The following CRIPT variants were observed in gnomAD, a reference collection of about 807,000 sequenced individuals.
The protein encoded by CRIPT is cysteine-rich PDZ-binding protein.
Under a neutral mutation model 16.6 loss-of-function variants are expected in CRIPT, and 20 were observed. The ratio of observed to expected loss-of-function variants is 1.20; its 90% CI spans 0.85 to 1.75. The LOEUF (loss-of-function observed/expected upper bound fraction) is 1.75, where lower values mean the gene tolerates loss of function less well. Ranked by LOEUF, CRIPT falls within the 40% of genes most tolerant of loss-of-function variation. The probability of loss-of-function intolerance (pLI) is 0.00; values close to 1 mark genes in which losing one functional copy is unlikely to be tolerated. For synonymous variants in CRIPT, 42 were observed against 37.0 expected (o/e 1.14, Z -0.49); for missense variants, 133 against 115.3 (o/e 1.15, Z -0.70).
At position 46,623,745 on chromosome 2, in the gene CRIPT, CTTTAAAAAA is replaced by C; in HGVS notation, c.138-18_138-10del. The C allele has an allele frequency of 6.8e-7, 1 of 1,476,090 alleles. No individual in the cohort carries two copies. Among genetic ancestry groups the C allele is most frequent in the Non-Finnish European group, 9.4e-7 (1 of 1,063,362 alleles). The allele number at this position is 1,476,090 out of a possible 1,614,324, so 91.4% of individuals were successfully genotyped here. A position where few individuals can be genotyped will look rare whatever the true frequency, so the allele number is the denominator to read the frequency against. On this transcript the variant is annotated splice_polypyrimidine_tract_variant and intron_variant, in intron 3 of 4. Transcript: ENST00000238892. ...TCTAGTGTAATATACAATTTTCTCT[CTTTAAAAAA>C]AATTTCTAGATTTGATCCATATGGA...
rs144262836 is a variant in CRIPT, at chr2:46,628,225, C to T, written c.*3998C>T. Among the ~76,000 whole-genome samples, 1,922 of 151,996 alleles carry T rather than the reference C, an allele frequency of 0.013. 46 individuals carry two copies. Among genetic ancestry groups the T allele is most frequent in the African/African-American group, 0.044 (1,823 of 41,402 alleles). ...TCCTGAGTTCAAGCAATTCTCCTGCCTCAGCCTCCCAAATAGCTGGGATTA... is the reference window on the plus strand; with the variant it reads ...TCCTGAGTTCAAGCAATTCTCCTGCTTCAGCCTCCCAAATAGCTGGGATTA... On this transcript the variant is annotated 3_prime_UTR_variant, in exon 5 of 5. Transcript: ENST00000238892.
At chr2:46,617,646 A>G (rs2104163103) in intron 1 of CRIPT, among the ~76,000 whole-genome samples, 1 of 152,244 alleles carries the variant, frequency 6.6e-6, no homozygotes, top group Non-Finnish European at 1.5e-5. Flanking sequence ...TTCATGTAAG[A>G]AGTATTGTTC....
At chr2:46,618,898 G>A in intron 2 of CRIPT, 60 bp downstream of exon 2, 1 of 1,009,182 alleles carries the variant, frequency 9.9e-7, no homozygotes, top group Non-Finnish European at 1.5e-6. Context: ...TAATACCTTA[G>A]TTTTTACATT....
intron 1 of CRIPT, 130 bp downstream of exon 1, chr2:46,617,428 C>G: frequency 9.3e-7 from 1 of 1,077,968 alleles, no homozygotes; most frequent in Non-Finnish European, 1.3e-6. Context: ...GTCTTTCTAC[C>G]CTACCCTTTG....
In CRIPT at chr2:46,623,764, A is replaced by G; in HGVS notation, c.138A>G (p.Arg46=). The G allele has an allele frequency of 6.3e-7, 1 of 1,588,792 alleles. No homozygotes were observed. The highest frequency in any genetic ancestry group is 2.3e-5 in the East Asian group (1 of 44,336). Residue 46 remains arginine, a splice_region_variant and synonymous_variant, in exon 4 of 5, where the codon AGA becomes AGG. Coordinates refer to ENST00000238892, the MANE Select transcript of CRIPT (RefSeq NM_014171.6). ...TTCTCTCTTTAAAAAAAATTTCTAGATTTGATCCATATGGAAAGAATAAGT... is the reference window on the plus strand; with the variant it reads ...TTCTCTCTTTAAAAAAAATTTCTAGGTTTGATCCATATGGAAAGAATAAGT... ...ENKALTSKKA[R]FDPYGKNKFS...
intron 1 of CRIPT, among the ~76,000 whole-genome samples, chr2:46,618,108 A>G (rs752724076): frequency 2.7e-5 from 4 of 150,656 alleles, no homozygotes; most frequent in South Asian, 4.2e-4. Flanking sequence ...CTTCTCCCCA[A>G]ACTTTCTTTT....
intron 1 of CRIPT, 96 bp downstream of exon 1, chr2:46,617,394 C>T (rs1427821681): frequency 1.5e-6 from 2 of 1,365,006 alleles, no homozygotes; most frequent in Non-Finnish European, 1.0e-6. Context: ...TTTCTTCGCC[C>T]ACAGGTCTCA....
chr2:46,624,146 A>G lies in CRIPT; in HGVS notation c.242-17A>G. 1.9e-6 allele frequency: 3 copies of G among 1,545,658 alleles called. No homozygotes were observed. The highest frequency in any genetic ancestry group is 2.6e-6 in the Non-Finnish European group (3 of 1,139,546). Reference sequence around the variant, plus strand: ...GGTATTATGATTTGATTGATCACATATCTTCTTTTGTTTCAGGCATCTGTG... The same window carrying G: ...GGTATTATGATTTGATTGATCACATGTCTTCTTTTGTTTCAGGCATCTGTG... On this transcript the variant is annotated splice_polypyrimidine_tract_variant and intron_variant, in intron 4 of 4. Coordinates refer to ENST00000238892, the MANE Select transcript of CRIPT (RefSeq NM_014171.6).
intron 1 of CRIPT, 60 bp from the exon 2 acceptor site, chr2:46,618,713 A>T: frequency 9.1e-7 from 1 of 1,099,340 alleles, no homozygotes; most frequent in Admixed American, 2.0e-5. Context: ...CTTAGGCACA[A>T]TGTAATGCAC....
intron 4 of CRIPT, 139 bp from the exon 5 acceptor site, chr2:46,624,024 A>ATT: frequency 2.3e-6 from 1 of 426,022 alleles, no homozygotes; most frequent in South Asian, 1.1e-4. Flanking sequence ...TATAATTAAA[A>ATT]TTATATATAT....
rs1671011133 is a variant in CRIPT at position 46,629,061 on chromosome 2, A to G, written c.*4834A>G. ...AGTACATTTTATATATTCATCCATT[A>G]GAATATATAGCTGTCAGAATGATAG... On this transcript the variant is annotated 3_prime_UTR_variant, in exon 5 of 5. Coordinates refer to ENST00000238892, the MANE Select transcript of CRIPT (RefSeq NM_014171.6). Among the ~76,000 whole-genome samples, 1 of 152,254 alleles carries G rather than the reference A, an allele frequency of 6.6e-6. No homozygotes were observed. Among genetic ancestry groups the G allele is most frequent in the Admixed American group, 6.5e-5 (1 of 15,284 alleles).
Position 46,627,952 on chromosome 2 carries a change from C to T in CRIPT, c.*3725C>T, listed in dbSNP as rs1448131827. On this transcript the variant is annotated 3_prime_UTR_variant, in exon 5 of 5. Coordinates refer to ENST00000238892, the MANE Select transcript of CRIPT (RefSeq NM_014171.6). ...AGCTTTATTTCTGTCTGTTCCATTC[C>T]ATTGGTCTATGGGTCTGTTTTTATA... 6.6e-6 allele frequency among the ~76,000 whole-genome samples: 1 copy of T among 152,004 alleles called. No homozygotes were observed. Among genetic ancestry groups the T allele is most frequent in the Non-Finnish European group, 1.5e-5 (1 of 68,002 alleles).
In CRIPT at chr2:46,624,031, A is replaced by ATG. The variant is rs2104175041; in HGVS notation, c.242-131_242-130insGT. On this transcript the variant is annotated intron_variant, in intron 4 of 4. Coordinates refer to ENST00000238892, the MANE Select transcript of CRIPT (RefSeq NM_014171.6). Reference sequence around the variant, plus strand: ...AACCTGTTTATAATTAAAATTATATATATATATATATTTTTTTTTTCTTTT... The same window carrying ATG: ...AACCTGTTTATAATTAAAATTATATATGTATATATATATTTTTTTTTTCTTTT... The ATG allele has an allele frequency of 1.0e-5, 4 of 389,214 alleles. No homozygotes were observed. In the East Asian group the frequency reaches 1.9e-4, roughly 19 times the overall value. 24.1% of individuals were successfully genotyped at this position (389,214 alleles called of 1,614,324 possible). A position where few individuals can be genotyped will look rare whatever the true frequency, so the allele number is the denominator to read the frequency against.
rs1179229130 is a variant in CRIPT, at chr2:46,626,325, C to G, written c.*2098C>G. Reference sequence around the variant, plus strand: ...GTGTATATGTACCAATTTTCTTTATCCAGTCCACTATTAATGAGCATCTAG... The same window carrying G: ...GTGTATATGTACCAATTTTCTTTATGCAGTCCACTATTAATGAGCATCTAG... On this transcript the variant is annotated 3_prime_UTR_variant, in exon 5 of 5. Coordinates refer to ENST00000238892, the MANE Select transcript of CRIPT (RefSeq NM_014171.6). Among the ~76,000 whole-genome samples the G allele has an allele frequency of 1.3e-5, 2 of 152,034 alleles. No individual in the cohort carries two copies. The highest frequency in any genetic ancestry group is 2.9e-5 in the Non-Finnish European group (2 of 68,026).
In CRIPT at chr2:46,627,629, G is replaced by A. The variant is rs955834893; in HGVS notation, c.*3402G>A. Among the ~76,000 whole-genome samples, 4 of 151,908 alleles carry A rather than the reference G, an allele frequency of 2.6e-5. No individual in the cohort carries two copies. The highest frequency in any genetic ancestry group is 9.7e-5 in the African/African-American group (4 of 41,340). On this transcript the variant is annotated 3_prime_UTR_variant, in exon 5 of 5. Transcript: ENST00000238892. ...CTGGCTAATTTTTCTATTTTTAGTA[G>A]GAATGGGGTTTTACCATGTTGGCCA...
intron 3 of CRIPT, among the ~76,000 whole-genome samples, chr2:46,623,540 G>A (rs1163126713): frequency 2.6e-5 from 4 of 152,224 alleles, no homozygotes; most frequent in Admixed American, 2.0e-4. Flanking sequence ...AATAAATACT[G>A]TACAACTGAT....
intron 3 of CRIPT, among the ~76,000 whole-genome samples, chr2:46,621,892 A>G (rs1464591019): frequency 6.6e-6 from 1 of 152,198 alleles, no homozygotes; most frequent in Non-Finnish European, 1.5e-5. Flanking sequence ...TACAGATTTT[A>G]TGCTTTTATA....
Position 46,624,042 on chromosome 2 carries a change from T to TATA in CRIPT, c.242-121_242-120insATA, listed in dbSNP as rs199927517. ...AATTAAAATTATATATATATATATATTTTTTTTTTCTTTTCTTTTCTTTCC... is the reference window on the plus strand; with the variant it reads ...AATTAAAATTATATATATATATATATATATTTTTTTTTCTTTTCTTTTCTTTCC... On this transcript the variant is annotated intron_variant, in intron 4 of 4. Coordinates refer to ENST00000238892, the MANE Select transcript of CRIPT (RefSeq NM_014171.6). 5.2e-4 allele frequency: 99 copies of TATA among 190,556 alleles called. 2 individuals carry two copies. Among genetic ancestry groups the TATA allele is most frequent in the African/African-American group, 1.2e-3 (41 of 34,794 alleles). 11.8% of individuals were successfully genotyped at this position (190,556 alleles called of 1,614,324 possible).
At chr2:46,623,906 G>A (rs919030540) in intron 4 of CRIPT, 39 bp downstream of exon 4, 10 of 1,373,756 alleles carry the variant, frequency 7.3e-6, no homozygotes, top group South Asian at 2.5e-5. Context: ...TCATAAAACC[G>A]ACTTCATTTG....
Sources: gnomAD v4.1 joint callset for allele counts (sites outside exome capture counted in the v4.1 genomes callset) on GRCh38, gnomAD v4.1.1 for gene constraint, MANE v1.5 for transcripts, NCBI Gene and HGNC (gene_info 2026-07-23, HGNC 2026-07-21) for gene names.